The following NR6A1 variants were observed in gnomAD, a reference collection of about 807,000 sequenced individuals.
The protein encoded by NR6A1 is retinoic acid receptor-related testis-associated receptor.
Under a neutral mutation model 59.1 loss-of-function variants are expected in NR6A1, and 7 were observed. The ratio of observed to expected loss-of-function variants is 0.12; its 90% CI spans 0.07 to 0.22. NR6A1 has a LOEUF of 0.22. Ranked by LOEUF, NR6A1 falls within the 10% of genes least tolerant of loss-of-function variation. The probability of loss-of-function intolerance (pLI) is 1.00; values close to 1 mark genes in which losing one functional copy is unlikely to be tolerated. For synonymous variants in NR6A1, 243 were observed against 236.1 expected, an observed-to-expected ratio of 1.03 and a Z score of -0.27; for missense variants, 468 against 611.6, an observed-to-expected ratio of 0.77 and a Z score of 2.48.
chr9:124,766,312 A>G (rs1245945587), intron 1 of NR6A1, among the ~76,000 whole-genome samples: 3 of 152,230 alleles, frequency 2.0e-5, no homozygotes, highest in African/African-American at 7.2e-5. Flanking sequence ...AGTGTGAAAA[A>G]CATTTTCCTT....
At chr9:124,545,169 A>G (rs182564777) in intron 3 of NR6A1, among the ~76,000 whole-genome samples, 1 of 152,348 alleles carries the variant, frequency 6.6e-6, no homozygotes, top group East Asian at 1.9e-4. Context: ...TGGTCTGTAT[A>G]ATTATGAACA....
At chr9:124,737,453 G>T (rs1840047023) in intron 1 of NR6A1, among the ~76,000 whole-genome samples, 1 of 152,168 alleles carries the variant, frequency 6.6e-6, no homozygotes, top group Non-Finnish European at 1.5e-5. Flanking sequence ...ACATCTAGCT[G>T]GCAAAATGAT....
In NR6A1 at chr9:124,687,293, T is replaced by TA. The variant is rs199523963; in HGVS notation, c.142+46014dup. On this transcript the variant is annotated intron_variant, in intron 2 of 9. Transcript: ENST00000487099. ...ATGCCACCACAGCCAGCTAATTAAT[T>TA]ATTTATTTATTTATTTATTTATTTA... is the stretch of plus-strand genomic sequence containing the variant. Among the ~76,000 whole-genome samples the TA allele has an allele frequency of 6.9e-3, 1,038 of 149,934 alleles. 7 individuals are homozygous for TA. Among genetic ancestry groups the TA allele is most frequent in the African/African-American group, 0.024 (969 of 40,630 alleles).
At chr9:124,536,209 C>T in intron 6 of NR6A1, 77 bp from the exon 7 acceptor site, 1 of 1,520,050 alleles carries the variant, frequency 6.6e-7, no homozygotes, top group African/African-American at 1.4e-5. Flanking sequence ...AAGGTAGTCC[C>T]AAGGGCACAA....
At chr9:124,706,719 T>A (rs1483084262) in intron 2 of NR6A1, among the ~76,000 whole-genome samples, 1 of 152,136 alleles carries the variant, frequency 6.6e-6, no homozygotes, top group South Asian at 2.1e-4. Context: ...GGTTTCACCA[T>A]GTTGTCCAGG....
chr9:124,537,574 C>T (rs1219817491), intron 6 of NR6A1, among the ~76,000 whole-genome samples: 2 of 152,056 alleles, frequency 1.3e-5, no homozygotes, highest in Non-Finnish European at 2.9e-5. Flanking sequence ...TGGGTAGGCC[C>T]GAAGGCTGAA....
At chr9:124,691,811 C>T (rs538228713) in intron 2 of NR6A1, among the ~76,000 whole-genome samples, 1 of 152,114 alleles carries the variant, frequency 6.6e-6, no homozygotes, top group Non-Finnish European at 1.5e-5. Context: ...TCATGGAGGT[C>T]GAGGTTTTTC....
intron 3 of NR6A1, among the ~76,000 whole-genome samples, chr9:124,548,750 G>T (rs936198551): frequency 1.3e-5 from 2 of 152,096 alleles, no homozygotes; most frequent in Non-Finnish European, 2.9e-5. Flanking sequence ...AGCTTTCCTT[G>T]ACCTTTATAC....
intron 2 of NR6A1, among the ~76,000 whole-genome samples, chr9:124,618,696 A>G (rs1033277717): frequency 2.0e-5 from 3 of 152,188 alleles, no homozygotes; most frequent in African/African-American, 7.2e-5. Context: ...GGGAAATACC[A>G]CATCCTTACC....
chr9:124,693,845 A>G (rs773735083), intron 2 of NR6A1: 14 of 519,566 alleles, frequency 2.7e-5, no homozygotes, highest in South Asian at 1.9e-4. Flanking sequence ...TGAGTGCAGC[A>G]GCTACTGCTG....
intron 1 of NR6A1, among the ~76,000 whole-genome samples, chr9:124,740,392 T>C (rs1167171590): frequency 6.6e-6 from 1 of 152,240 alleles, no homozygotes; most frequent in Non-Finnish European, 1.5e-5. Flanking sequence ...GAAATTCAAA[T>C]GTTTTAATTA....
At chr9:124,583,869 G>T (rs989335979) in intron 2 of NR6A1, among the ~76,000 whole-genome samples, 14 of 152,130 alleles carry the variant, frequency 9.2e-5, no homozygotes, top group Non-Finnish European at 2.1e-4. Flanking sequence ...CACAGCTTCT[G>T]TACTCTACAG....
At chr9:124,700,469 C>T (rs1838907145) in intron 2 of NR6A1, among the ~76,000 whole-genome samples, 1 of 152,070 alleles carries the variant, frequency 6.6e-6, no homozygotes, top group African/African-American at 2.4e-5. Context: ...GATCCACCTG[C>T]CTCAGCCTCC....
chr9:124,737,938 G>A (rs1171581832), intron 1 of NR6A1, among the ~76,000 whole-genome samples: 1 of 152,014 alleles, frequency 6.6e-6, no homozygotes, highest in African/African-American at 2.4e-5. Context: ...TGACCAACAT[G>A]GTAAAACGCC....
chr9:124,550,332 G>A (rs1833734778), intron 3 of NR6A1, among the ~76,000 whole-genome samples: 1 of 149,532 alleles, frequency 6.7e-6, no homozygotes, highest in African/African-American at 2.5e-5. Flanking sequence ...TCCATTAGTA[G>A]GTTTTGCTTG....
chr9:124,710,774 A>T (rs1424436772), intron 2 of NR6A1, among the ~76,000 whole-genome samples: 1 of 152,194 alleles, frequency 6.6e-6, no homozygotes, highest in Non-Finnish European at 1.5e-5. Flanking sequence ...AGTTGCAAAG[A>T]TCCTTCCGCA....
chr9:124,616,328 G>A (rs1036787807), intron 2 of NR6A1, among the ~76,000 whole-genome samples: 25 of 150,828 alleles, frequency 1.7e-4, no homozygotes, highest in Admixed American at 2.6e-4. Flanking sequence ...GCTTGAACTC[G>A]GGAAGCGGAG....
intron 2 of NR6A1, among the ~76,000 whole-genome samples, chr9:124,700,020 CT>C (rs953915774): frequency 2.0e-5 from 3 of 151,000 alleles, no homozygotes; most frequent in Non-Finnish European, 3.0e-5. Context: ...CCACACCCGC[CT>C]TTTTTTTTAG....
intron 2 of NR6A1, among the ~76,000 whole-genome samples, chr9:124,675,770 C>G (rs544617395): frequency 6.6e-6 from 1 of 152,152 alleles, no homozygotes; most frequent in African/African-American, 2.4e-5. Flanking sequence ...GCTGGGCAAG[C>G]CTGGTACACT....
Sources: allele counts gnomAD v4.1 joint callset (sites outside exome capture counted in the v4.1 genomes callset), GRCh38; gene constraint gnomAD v4.1.1; transcripts MANE v1.5; gene names NCBI Gene and HGNC (gene_info 2026-07-23, HGNC 2026-07-21).